The following BCAS4 variants were observed in gnomAD, a reference collection of about 807,000 sequenced individuals.
BCAS4 encodes breast carcinoma-amplified sequence 4.
A neutral mutation model predicts 15.7 loss-of-function variants in BCAS4; 9 were observed. That is an observed-to-expected ratio of 0.57 (90% CI 0.34 to 1.00). BCAS4 has a LOEUF of 1.00. Among genes scored for constraint, BCAS4 ranks in the 50% least tolerant of loss-of-function variants. The probability of loss-of-function intolerance (pLI) is 0.02; values close to 1 mark genes in which losing one functional copy is unlikely to be tolerated. For missense variants in BCAS4, 225 were observed against 239.1 expected (o/e 0.94, Z 0.39); for synonymous variants, 101 against 99.5 (o/e 1.02, Z -0.09).
At chr20:50,870,052 C>G (rs1166391773) in intron 4 of BCAS4, among the ~76,000 whole-genome samples, 2 of 152,112 alleles carry the variant, frequency 1.3e-5, no homozygotes, top group African/African-American at 4.8e-5. Flanking sequence ...CCCAGCCTGC[C>G]ATTGCTTTTC....
intron 4 of BCAS4, among the ~76,000 whole-genome samples, chr20:50,861,258 C>G (rs1444940768): frequency 6.6e-6 from 1 of 152,180 alleles, no homozygotes; most frequent in Non-Finnish European, 1.5e-5. Flanking sequence ...CAGACGAGTT[C>G]CCTGCGTGGT....
At chr20:50,879,391 C>T (rs773883287), downstream of BCAS4, 1 of 152,250 alleles carries the variant, frequency 6.6e-6, no homozygotes, top group Non-Finnish European at 1.5e-5. Flanking sequence ...GTGGTGCACC[C>T]CTGTAATCCC....
chr20:50,864,081 T>A (rs932178227), intron 4 of BCAS4, among the ~76,000 whole-genome samples: 2 of 152,252 alleles, frequency 1.3e-5, no homozygotes, highest in Non-Finnish European at 2.9e-5. Context: ...CGAGTCATCC[T>A]TTTGACTGAT....
intron 4 of BCAS4, among the ~76,000 whole-genome samples, chr20:50,871,343 G>A (rs1421791009): frequency 2.6e-5 from 4 of 152,222 alleles, no homozygotes; most frequent in Non-Finnish European, 5.9e-5. Context: ...GGGTGTGCCG[G>A]TGAGGGGGTC....
At chr20:50,796,481 A>ATTTTTTTTTTTT (rs1569013291) in intron 1 of BCAS4, among the ~76,000 whole-genome samples, 1 of 11,562 alleles carries the variant, frequency 8.6e-5, no homozygotes, top group Non-Finnish European at 1.5e-4. Context: ...ATATATATAT[A>ATTTTTTTTTTTT]TATATATTTT....
rs138849913 is a variant in BCAS4 at position 50,828,710 on chromosome 20, C to T, written c.163-1569C>T. Among the ~76,000 whole-genome samples the T allele has an allele frequency of 7.3e-3, 1,113 of 152,154 alleles. 22 individuals carry two copies. Among genetic ancestry groups the T allele is most frequent in the African/African-American group, 0.026 (1,076 of 41,508 alleles). ...AGGAGAATCGCCTGGACCTGGGAGGCGGAGGTTACAGTGAGCTGAGATTGT... is the reference window on the plus strand; with the variant it reads ...AGGAGAATCGCCTGGACCTGGGAGGTGGAGGTTACAGTGAGCTGAGATTGT... On this transcript the variant is annotated intron_variant, in intron 2 of 4. Coordinates refer to ENST00000371608, the MANE Select transcript of BCAS4 (RefSeq NM_198799.4).
chr20:50,795,050 C>A, upstream of BCAS4: 2 of 1,470,876 alleles, frequency 1.4e-6, no homozygotes, highest in South Asian at 1.3e-5. Flanking sequence ...GGCTCCCAGG[C>A]AGCCTCCGCC....
chr20:50,813,891 A>G lies in BCAS4; in HGVS notation c.91-4320A>G, dbSNP rs115701570. On this transcript the variant is annotated intron_variant, in intron 1 of 4. Coordinates refer to ENST00000371608, the MANE Select transcript of BCAS4 (RefSeq NM_198799.4). ...ACTGGTCCTTCCTTGAATGTCACTT[A>G]AAGTGAGCCTCTCGCCTCCTTCCCC... is the stretch of plus-strand genomic sequence containing the variant. Among the ~76,000 whole-genome samples the G allele has an allele frequency of 8.3e-3, 1,263 of 151,668 alleles. 23 individuals carry two copies. The highest frequency in any genetic ancestry group is 0.029 in the African/African-American group (1,217 of 41,398).
chr20:50,818,077 AG>A, intron 1 of BCAS4, 133 bp from the exon 2 acceptor site: 2 of 762,062 alleles, frequency 2.6e-6, no homozygotes, highest in East Asian at 5.4e-5. Flanking sequence ...CAAAGGAGGC[AG>A]TGGAAGGGGG....
chr20:50,865,424 G>C (rs1034411795), intron 4 of BCAS4, among the ~76,000 whole-genome samples: 1 of 152,198 alleles, frequency 6.6e-6, no homozygotes, highest in Non-Finnish European at 1.5e-5. Flanking sequence ...CTGTCCCTGT[G>C]TGTGAGCTTG....
chr20:50,851,088 C>T lies in BCAS4; in HGVS notation c.399+9188C>T, dbSNP rs1345335957. 4.0e-5 allele frequency among the ~76,000 whole-genome samples: 6 copies of T among 148,970 alleles called. No individual in the cohort carries two copies. In the South Asian group the frequency reaches 1.1e-3, roughly 27 times the overall value. On this transcript the variant is annotated intron_variant, in intron 4 of 4. Coordinates refer to ENST00000371608, the MANE Select transcript of BCAS4 (RefSeq NM_198799.4). The surrounding 1 kb of genome is among the most constrained non-coding windows in gnomAD (Gnocchi z 4.3). ...CTGCAAGTGGTGGGGGGTGCTGGGT[C>T]TCTCCCCTGCAGAATCCCCCTGCAG...
chr20:50,845,578 T>G (rs1233291732), intron 4 of BCAS4, among the ~76,000 whole-genome samples: 2 of 152,150 alleles, frequency 1.3e-5, no homozygotes, highest in Admixed American at 1.3e-4. Flanking sequence ...GAGCTTTGGT[T>G]TCTCTCCTGG....
chr20:50,836,080 G>A (rs1213943217), intron 3 of BCAS4, among the ~76,000 whole-genome samples: 1 of 152,018 alleles, frequency 6.6e-6, no homozygotes, highest in East Asian at 1.9e-4. Flanking sequence ...ACCACACATG[G>A]CTAACTTTTG....
At chr20:50,847,054 C>T (rs1046500104) in intron 4 of BCAS4, among the ~76,000 whole-genome samples, 7 of 152,106 alleles carry the variant, frequency 4.6e-5, no homozygotes, top group East Asian at 1.9e-4. Context: ...TGAGGGCCCA[C>T]GCTAAAGCAG....
intron 3 of BCAS4, among the ~76,000 whole-genome samples, chr20:50,831,520 G>A (rs370091271): frequency 4.1e-4 from 63 of 152,266 alleles, no homozygotes; most frequent in African/African-American, 1.3e-3. Context: ...TACCGCTGAC[G>A]TAGCTCACCC....
Position 50,851,971 on chromosome 20 carries a change from G to A in BCAS4, c.399+10071G>A, listed in dbSNP as rs914561775. ...AGAGCTGCTCAAGGGTGGGGCCTGT[G>A]TCTTGTCTTTGCCATGGTGATGAGA... On this transcript the variant is annotated intron_variant, in intron 4 of 4. Transcript: ENST00000371608. This position sits in a 1 kb window ranked among gnomAD's most constrained non-coding sequence, Gnocchi z 4.3. Among the ~76,000 whole-genome samples the A allele has an allele frequency of 1.3e-5, 2 of 152,216 alleles. No homozygotes were observed. The highest frequency in any genetic ancestry group is 4.8e-5 in the African/African-American group (2 of 41,462).
Position 50,837,067 on chromosome 20 carries a change from A to G in BCAS4, c.265-4699A>G, listed in dbSNP as rs754651069. Among the ~76,000 whole-genome samples, 5 of 152,188 alleles carry G rather than the reference A, an allele frequency of 3.3e-5. No individual in the cohort carries two copies. In the South Asian group the frequency reaches 8.3e-4, roughly 25 times the overall value. ...GCCAGGGACTATGAGTGCTTTACAC[A>G]TAAGAACTCACTTCAACTCCACAGC... On this transcript the variant is annotated intron_variant, in intron 3 of 4. Coordinates refer to ENST00000371608, the MANE Select transcript of BCAS4 (RefSeq NM_198799.4).
At chr20:50,872,263 CAAA>C (rs71192504) in intron 4 of BCAS4, among the ~76,000 whole-genome samples, 9 of 62,718 alleles carry the variant, frequency 1.4e-4, no homozygotes, top group Non-Finnish European at 1.9e-4. Context: ...GACTCTGTCT[CAAA>C]AAAAAAAAAA....
intron 1 of BCAS4, among the ~76,000 whole-genome samples, chr20:50,796,485 A>AT (rs1198586862): frequency 0.014 from 148 of 10,302 alleles, 2 homozygotes; most frequent in East Asian, 0.022. Flanking sequence ...ATATATATAT[A>AT]TATTTTTTTT....
Sources: gnomAD v4.1 joint callset for allele counts (sites outside exome capture counted in the v4.1 genomes callset) on GRCh38, gnomAD v4.1.1 for gene constraint, Gnocchi (gnomAD v3.1) non-coding constraint, MANE v1.5 for transcripts, NCBI Gene and HGNC (gene_info 2026-07-23, HGNC 2026-07-21) for gene names.